Variants in KLHL32 observed in about 807,000 individuals in gnomAD.
KLHL32 encodes the protein kelch-like protein 32.
KLHL32 carries 35 observed loss-of-function variants against 64.8 expected under a neutral mutation model. The ratio of observed to expected loss-of-function variants is 0.54; its 90% CI spans 0.41 to 0.72. The LOEUF (loss-of-function observed/expected upper bound fraction) is 0.72, where lower values mean the gene tolerates loss of function less well. Ranked by LOEUF, KLHL32 falls within the 30% of genes least tolerant of loss-of-function variation. The pLI, the probability that KLHL32 is intolerant of heterozygous loss-of-function variation, is 0.00. For missense variants in KLHL32, 589 were observed against 768.5 expected (o/e 0.77, Z 2.76); for synonymous variants, 259 against 281.0 (o/e 0.92, Z 0.78).
intron 3 of KLHL32, among the ~76,000 whole-genome samples, chr6:96,990,744 G>A (rs954296323): frequency 2.0e-5 from 3 of 152,018 alleles, no homozygotes; most frequent in African/African-American, 7.2e-5. Context: ...CTGTGTTATG[G>A]GCCCAAGCTG....
At chr6:97,073,390 A>G (rs1258219118) in intron 5 of KLHL32, among the ~76,000 whole-genome samples, 4 of 152,218 alleles carry the variant, frequency 2.6e-5, no homozygotes, top group Non-Finnish European at 5.9e-5. Context: ...AAAACATCAT[A>G]CTGAAATTGT....
the KLHL32 span, among the ~76,000 whole-genome samples, chr6:96,918,057 G>C: frequency 6.6e-6 from 1 of 152,154 alleles, no homozygotes. Context: ...TATGTCCCCT[G>C]AGGGACAAAA....
intron 3 of KLHL32, among the ~76,000 whole-genome samples, chr6:96,983,997 G>T (rs1776685631): frequency 6.6e-6 from 1 of 152,116 alleles, no homozygotes; most frequent in Non-Finnish European, 1.5e-5. Context: ...GATCTCTCCT[G>T]CTTTCTCTTG....
chr6:97,090,227 A>T lies in KLHL32; in HGVS notation c.627+4886A>T, dbSNP rs1582991819. On this transcript the variant is annotated intron_variant, in intron 6 of 10. Coordinates refer to ENST00000369261, the MANE Select transcript of KLHL32 (RefSeq NM_052904.4). ...GATAATAAGACATCCTACTATTCCTACATTAGGCTGGATTTATTCTAAGAA... is the reference window on the plus strand; with the variant it reads ...GATAATAAGACATCCTACTATTCCTTCATTAGGCTGGATTTATTCTAAGAA... 2.0e-5 allele frequency among the ~76,000 whole-genome samples: 3 copies of T among 152,302 alleles called. No homozygotes were observed. The East Asian group carries it at 5.8e-4, about 29-fold the overall frequency.
chr6:97,023,335 C>T (rs181805582), intron 3 of KLHL32, among the ~76,000 whole-genome samples: 46 of 152,302 alleles, frequency 3.0e-4, no homozygotes, highest in Non-Finnish European at 3.7e-4. Context: ...AATCTATAAA[C>T]TATAAGCTGA....
intron 1 of KLHL32, among the ~76,000 whole-genome samples, chr6:96,963,170 G>T (rs971623126): frequency 6.6e-6 from 1 of 152,170 alleles, no homozygotes; most frequent in Non-Finnish European, 1.5e-5. Flanking sequence ...ACATGTGGGG[G>T]CACCCAGTGA....
intron 1 of KLHL32, among the ~76,000 whole-genome samples, chr6:96,948,178 T>C (rs1772143218): frequency 6.6e-6 from 1 of 152,218 alleles, no homozygotes; most frequent in Non-Finnish European, 1.5e-5. Flanking sequence ...GTGTTACTAA[T>C]GCTAGACGCA....
At chr6:96,924,571 G>A (rs570262658), upstream of KLHL32, 4 of 152,072 alleles carry the variant, frequency 2.6e-5, no homozygotes, top group Non-Finnish European at 5.9e-5. Context: ...GCGGGGGAGG[G>A]GGAGGGAGCG....
intron 6 of KLHL32, 95 bp from the exon 7 acceptor site, chr6:97,113,688 G>A (rs1250484720): frequency 7.0e-6 from 10 of 1,433,798 alleles, no homozygotes; most frequent in Non-Finnish European, 9.5e-6. Flanking sequence ...ATTATTACCT[G>A]CCTGGAAGAA....
intron 3 of KLHL32, among the ~76,000 whole-genome samples, chr6:96,984,420 A>G (rs1406225035): frequency 6.6e-6 from 1 of 152,142 alleles, no homozygotes; most frequent in Non-Finnish European, 1.5e-5. Context: ...GCTGAGTTCA[A>G]TTCCTGGATA....
chr6:97,042,972 C>G (rs1408601211), intron 4 of KLHL32, among the ~76,000 whole-genome samples: 1 of 152,160 alleles, frequency 6.6e-6, no homozygotes, highest in African/African-American at 2.4e-5. Context: ...CCTGAAAAAG[C>G]TATTTATTAA....
chr6:97,110,605 A>C (rs1445199117), intron 6 of KLHL32, among the ~76,000 whole-genome samples: 1 of 152,212 alleles, frequency 6.6e-6, no homozygotes, highest in East Asian at 1.9e-4. Context: ...GTCTGAGAAT[A>C]CCACATTTCC....
intron 3 of KLHL32, among the ~76,000 whole-genome samples, chr6:97,028,574 A>C (rs890280326): frequency 2.6e-5 from 4 of 152,136 alleles, no homozygotes; most frequent in African/African-American, 9.7e-5. Context: ...TGATCCATGC[A>C]GACTCTAATC....
At chr6:97,014,608 C>T (rs1780883493) in intron 3 of KLHL32, among the ~76,000 whole-genome samples, 1 of 152,122 alleles carries the variant, frequency 6.6e-6, no homozygotes, top group Non-Finnish European at 1.5e-5. Flanking sequence ...TTCTGATTGT[C>T]TACTATAAGC....
chr6:96,908,685 A>G, the KLHL32 span, among the ~76,000 whole-genome samples: 20 of 152,288 alleles, frequency 1.3e-4, no homozygotes, highest in African/African-American at 4.6e-4. Flanking sequence ...GAACTTAGAC[A>G]TCATCTAGGA....
intron 1 of KLHL32, among the ~76,000 whole-genome samples, chr6:96,953,660 A>C (rs1772907632): frequency 6.6e-6 from 1 of 151,876 alleles, no homozygotes; most frequent in African/African-American, 2.4e-5. Flanking sequence ...AGCTTTCTTC[A>C]TTCATTCCCT....
chr6:97,000,923 C>T (rs1489384601), intron 3 of KLHL32, among the ~76,000 whole-genome samples: 1 of 152,038 alleles, frequency 6.6e-6, no homozygotes, highest in Non-Finnish European at 1.5e-5. Flanking sequence ...GTGAATGAAG[C>T]CAGTCTAAAA....
At chr6:97,076,302 T>C (rs899051908) in intron 5 of KLHL32, among the ~76,000 whole-genome samples, 8 of 152,240 alleles carry the variant, frequency 5.3e-5, no homozygotes, top group Non-Finnish European at 1.2e-4. Flanking sequence ...GTATGGACTA[T>C]GCAAAGCTAT....
chr6:97,005,399 T>G (rs934014494), intron 3 of KLHL32, among the ~76,000 whole-genome samples: 1 of 152,102 alleles, frequency 6.6e-6, no homozygotes, highest in African/African-American at 2.4e-5. Context: ...GGTAGTGGTC[T>G]ATCTCTCTTA....
Sources: allele counts gnomAD v4.1 joint callset (sites outside exome capture counted in the v4.1 genomes callset), GRCh38; gene constraint gnomAD v4.1.1; transcripts MANE v1.5; gene names NCBI Gene and HGNC (gene_info 2026-07-23, HGNC 2026-07-21).